The following TBRG4 variants were observed in gnomAD, a reference collection of about 807,000 sequenced individuals.
The protein encoded by TBRG4 is FAST kinase domain-containing protein 4.
TBRG4 carries 43 observed loss-of-function variants against 65.6 expected under a neutral mutation model. The observed-to-expected ratio is 0.66, with a 90% CI of 0.51 to 0.85. The LOEUF (loss-of-function observed/expected upper bound fraction) is 0.85, where lower values mean the gene tolerates loss of function less well. Ranked by LOEUF, TBRG4 falls within the 40% of genes least tolerant of loss-of-function variation. The pLI is 0.00. For missense variants in TBRG4, 709 were observed against 787.9 expected, an observed-to-expected ratio of 0.90 and a Z score of 1.20; for synonymous variants, 366 against 341.4, an observed-to-expected ratio of 1.07 and a Z score of -0.79.
intron 1 of TBRG4, among the ~76,000 whole-genome samples, chr7:45,110,415 C>T (rs1293509959): frequency 6.6e-6 from 1 of 152,146 alleles, no homozygotes; most frequent in African/African-American, 2.4e-5. Context: ...GCCTGTAATC[C>T]CAGTACTTTG....
intron 6 of TBRG4, 66 bp downstream of exon 6, chr7:45,103,267 A>G: frequency 7.5e-7 from 1 of 1,326,786 alleles, no homozygotes; most frequent in South Asian, 1.2e-5. Context: ...TCTTGGGAGG[A>G]CGGTTCATGA....
In TBRG4 at chr7:45,100,162, T is replaced by G; in HGVS notation, c.*163A>C. 1.7e-6 allele frequency: 1 copy of G among 584,358 alleles called. No homozygotes were observed. Among genetic ancestry groups the G allele is most frequent in the Non-Finnish European group, 3.0e-6 (1 of 333,836 alleles). The allele number at this position is 584,358 out of a possible 1,614,324, so 36.2% of individuals were successfully genotyped here. A position where few individuals can be genotyped will look rare whatever the true frequency, so the allele number is the denominator to read the frequency against. The stretch of plus-strand genomic sequence containing the variant: ...AGGGGTCCAACACCAAAATTAAAGG[T>G]TTATTATACACAAGAGGACGTTCTG... On this transcript the variant is annotated 3_prime_UTR_variant, in exon 11 of 11. Coordinates refer to ENST00000258770, the MANE Select transcript of TBRG4 (RefSeq NM_004749.4).
At chr7:45,110,531 G>T (rs901303687) in intron 1 of TBRG4, among the ~76,000 whole-genome samples, 5 of 151,896 alleles carry the variant, frequency 3.3e-5, no homozygotes, top group Admixed American at 3.3e-4. Flanking sequence ...GCCGGGCGTG[G>T]TGGCGGGCAC....
At position 45,111,563 on chromosome 7, in the gene TBRG4, A is replaced by C. The variant is rs1233962909; in HGVS notation, c.-51+80T>G. ...CTGCTCCCCAGTTCCACCGCATCCC[A>C]GGACCTTCCCAGCCACGCCTGTGTT... On this transcript the variant is annotated intron_variant, in intron 1 of 10. Transcript: ENST00000258770. The C allele has an allele frequency of 2.3e-6, 3 of 1,281,672 alleles. No homozygotes were observed. In the African/African-American group the frequency reaches 4.6e-5, roughly 20 times the overall value. The allele number at this position is 1,281,672 out of a possible 1,614,324, so 79.4% of individuals were successfully genotyped here. A position where few individuals can be genotyped will look rare whatever the true frequency, so the allele number is the denominator to read the frequency against.
intron 6 of TBRG4, chr7:45,103,109 C>A: frequency 1.7e-6 from 1 of 581,790 alleles, no homozygotes; most frequent in Non-Finnish European, 3.1e-6. Context: ...AGGCAGGACC[C>A]CCCAGCGCTG....
intron 2 of TBRG4, 149 bp from the exon 3 acceptor site, chr7:45,105,913 G>A: frequency 2.9e-6 from 3 of 1,037,626 alleles, no homozygotes; most frequent in Middle Eastern, 2.3e-4. Flanking sequence ...TTGTAACAGG[G>A]CCCCAGTGCC....
chr7:45,108,580 T>C (rs1785027382), intron 2 of TBRG4, among the ~76,000 whole-genome samples: 1 of 152,268 alleles, frequency 6.6e-6, no homozygotes, highest in Non-Finnish European at 1.5e-5. Flanking sequence ...TCACTTCCCA[T>C]GCTTCTATCA....
chr7:45,102,508 T>G lies in TBRG4; in HGVS notation c.1177-17A>C, dbSNP rs748435728. 1.9e-6 allele frequency: 3 copies of G among 1,603,990 alleles called. No homozygotes were observed. The East Asian group carries it at 6.7e-5, about 36-fold the overall frequency. On this transcript the variant is annotated splice_polypyrimidine_tract_variant and intron_variant, in intron 6 of 10. Coordinates refer to ENST00000258770, the MANE Select transcript of TBRG4 (RefSeq NM_004749.4). ...CTCATGTACCTGGGCAAGGATAGAG[T>G]GTGGTGGAGAAAGCAGGCTCTCCTT... is the stretch of plus-strand genomic sequence containing the variant.
At position 45,105,734 on chromosome 7, in the gene TBRG4, T is replaced by G; in HGVS notation, c.442A>C (p.Lys148Gln). The G allele has an allele frequency of 1.2e-6, 2 of 1,612,668 alleles. No individual in the cohort carries two copies. The highest frequency in any genetic ancestry group is 1.7e-6 in the Non-Finnish European group (2 of 1,179,100). ...IASVWHGTLS[K>Q]LLGSLYALGI... ...AGAGCATACAGGCTTCCCAGCAGCT[T>G]CGAGAGGGTACCATGCCAGACCGAG... Residue 148 changes from lysine to glutamine, a missense_variant, in exon 3 of 11, where the codon AAG (lysine) becomes CAG (glutamine). Transcript: ENST00000258770.
rs921222558 is a variant in TBRG4, at chr7:45,104,103, G to A, written c.1061C>T (p.Ala354Val). 1.9e-6 allele frequency: 3 copies of A among 1,602,976 alleles called. No individual in the cohort carries two copies. Among genetic ancestry groups the A allele is most frequent in the Admixed American group, 3.4e-5 (2 of 58,176 alleles). ...TGGGGCCAGGCCCTGGCTCACCTGG[G>A]CAAAGGCCTCAAACAGGGGCAGGCT... Reference protein sequence around the residue: ...WLSLPLFEAFAQHVLNRAQDI... With the variant: ...WLSLPLFEAFVQHVLNRAQDI... The change falls in exon 5 of 11, where the codon GCC becomes GTC. Residue 354 changes from alanine (A) to valine (V), a missense_variant. Coordinates refer to ENST00000258770, the MANE Select transcript of TBRG4 (RefSeq NM_004749.4).
chr7:45,102,536 G>C lies in TBRG4; in HGVS notation c.1177-45C>G, dbSNP rs754728524. ...GGTGGAGAAAGCAGGCTCTCCTTAG[G>C]GGCTGCAAATAGCCATGGGTGAGAC... On this transcript the variant is annotated intron_variant, in intron 6 of 10. Coordinates refer to ENST00000258770, the MANE Select transcript of TBRG4 (RefSeq NM_004749.4). 4 of 1,590,546 alleles carry C rather than the reference G, an allele frequency of 2.5e-6. No individual in the cohort carries two copies. In the African/African-American group the frequency reaches 4.0e-5, roughly 16 times the overall value.
chr7:45,106,626 A>G (rs1784965761), intron 2 of TBRG4: 1 of 152,512 alleles, frequency 6.6e-6, no homozygotes, highest in African/African-American at 2.4e-5. Flanking sequence ...AATTACAAAA[A>G]TTAGCCAGGT....
chr7:45,101,440 G>A, intron 9 of TBRG4, 63 bp downstream of exon 9: 1 of 1,604,228 alleles, frequency 6.2e-7, no homozygotes, highest in East Asian at 2.2e-5. Flanking sequence ...AAGATGGAAA[G>A]CAAAGAATAT....
chr7:45,103,105 G>C lies in TBRG4; in HGVS notation c.1176+228C>G, dbSNP rs1784820270. On this transcript the variant is annotated intron_variant, in intron 6 of 10. Transcript: ENST00000258770. ...GCATTAAAAGGAGCACCAGAGGCAG[G>C]ACCCCCCAGCGCTGCCTGGCAGGGC... The C allele has an allele frequency of 2.1e-5, 12 of 575,010 alleles. No homozygotes were observed. The South Asian group carries it at 2.2e-4, about 11-fold the overall frequency. 35.6% of individuals were successfully genotyped at this position (575,010 alleles called of 1,614,324 possible).
At chr7:45,105,312 A>G in intron 3 of TBRG4, 129 bp downstream of exon 3, 1 of 1,076,856 alleles carries the variant, frequency 9.3e-7, no homozygotes, top group Non-Finnish European at 1.3e-6. Context: ...CTGAGGCTCC[A>G]GACAGAAGCT....
intron 1 of TBRG4, among the ~76,000 whole-genome samples, chr7:45,109,951 TGG>T (rs1785078502): frequency 8.0e-6 from 1 of 125,348 alleles, no homozygotes; most frequent in Non-Finnish European, 1.6e-5. Flanking sequence ...GACTCCAGCC[TGG>T]GTGAGAGACT....
intron 2 of TBRG4, chr7:45,106,035 T>C (rs1562936981): frequency 4.4e-6 from 3 of 676,478 alleles, no homozygotes; most frequent in Admixed American, 1.8e-5. Context: ...TCACTGTTTC[T>C]GTGGCAGTCT....
rs1403744306 is a variant in TBRG4, at chr7:45,101,267, C to G, written c.1785G>C (p.Leu595=). The part of the protein sequence containing the change: ...ARRHIVAAGF[L]IVDVPFYEWL... Reference sequence around the variant, plus strand: ...CCCAAGAGGTACTCACGTCCACTATCAGGAAGCCTGCAGCCACTATGTGTC... The same window carrying G: ...CCCAAGAGGTACTCACGTCCACTATGAGGAAGCCTGCAGCCACTATGTGTC... Residue 595 remains leucine, a synonymous_variant, in exon 10 of 11, where the codon CTG becomes CTC. Transcript: ENST00000258770. 1.2e-6 allele frequency: 2 copies of G among 1,613,166 alleles called. No homozygotes were observed. The highest frequency in any genetic ancestry group is 8.5e-7 in the Non-Finnish European group (1 of 1,179,580).
chr7:45,101,471 C>T (rs758937653), intron 9 of TBRG4, 32 bp downstream of exon 9: 1 of 1,595,600 alleles, frequency 6.3e-7, no homozygotes, highest in Non-Finnish European at 8.6e-7. Context: ...AGCCATGGTG[C>T]CCCCATGGCC....
Sources: allele counts gnomAD v4.1 joint callset (sites outside exome capture counted in the v4.1 genomes callset), GRCh38; gene constraint gnomAD v4.1.1; transcripts MANE v1.5; gene names NCBI Gene and HGNC (gene_info 2026-07-23, HGNC 2026-07-21).